Variants in TDRD3 observed in about 807,000 individuals in gnomAD.
TDRD3 encodes the protein tudor domain-containing protein 3.
TDRD3 carries 45 observed loss-of-function variants against 86.7 expected under a neutral mutation model. The observed-to-expected ratio is 0.52, with a 90% CI of 0.41 to 0.67. The LOEUF (loss-of-function observed/expected upper bound fraction) is 0.67, where lower values mean the gene tolerates loss of function less well. Among genes scored for constraint, TDRD3 ranks in the 30% least tolerant of loss-of-function variants. The pLI is 0.00. For synonymous variants in TDRD3, 298 were observed against 301.7 expected (o/e 0.99, Z 0.13); for missense variants, 814 against 889.0 (o/e 0.92, Z 1.07).
intron 4 of TDRD3, 155 bp downstream of exon 4, chr13:60,460,695 A>G (rs1955783374): frequency 2.9e-6 from 2 of 693,858 alleles, no homozygotes; most frequent in Non-Finnish European, 4.3e-6. Context: ...TTTCTGCTTC[A>G]CCTGTATAAA....
upstream of TDRD3, chr13:60,397,107 T>G: frequency 2.8e-6 from 1 of 360,868 alleles, no homozygotes; most frequent in East Asian, 4.0e-5. Context: ...CCAGCCGGTG[T>G]TTGGTGGATC....
intron 1 of TDRD3, among the ~76,000 whole-genome samples, chr13:60,403,542 A>G (rs1045306166): frequency 6.6e-6 from 1 of 152,236 alleles, no homozygotes; most frequent in Non-Finnish European, 1.5e-5. Context: ...AAAATTTGAG[A>G]AACACTTGTG....
intron 1 of TDRD3, among the ~76,000 whole-genome samples, chr13:60,430,433 AAG>A (rs994154000): frequency 2.0e-5 from 3 of 152,172 alleles, no homozygotes; most frequent in African/African-American, 7.2e-5. Context: ...TGCTGAGAAA[AAG>A]AGGACAGAAA....
chr13:60,464,181 A>G (rs558395381), intron 4 of TDRD3, among the ~76,000 whole-genome samples: 24 of 152,304 alleles, frequency 1.6e-4, no homozygotes, highest in Non-Finnish European at 2.6e-4. Flanking sequence ...TATGAGCCAA[A>G]TAAACCTTTC....
intron 5 of TDRD3, 39 bp downstream of exon 5, chr13:60,467,418 A>G (rs1783663345): frequency 4.4e-6 from 7 of 1,600,028 alleles, no homozygotes; most frequent in South Asian, 1.1e-5. Flanking sequence ...GAAACATTAC[A>G]CTCTTTTTTA....
At chr13:60,566,162 A>C (rs1025592016) in intron 12 of TDRD3, among the ~76,000 whole-genome samples, 5 of 152,202 alleles carry the variant, frequency 3.3e-5, no homozygotes, top group African/African-American at 4.8e-5. Context: ...GCAGTGTTAG[A>C]ATGCAAAACC....
intron 4 of TDRD3, among the ~76,000 whole-genome samples, chr13:60,462,140 G>A (rs2138059595): frequency 6.6e-6 from 1 of 152,326 alleles, no homozygotes; most frequent in East Asian, 1.9e-4. Flanking sequence ...TTTTTGAAGA[G>A]TAGGATTCGT....
intron 2 of TDRD3, among the ~76,000 whole-genome samples, chr13:60,440,642 C>CT (rs1334257846): frequency 2.0e-5 from 3 of 152,148 alleles, no homozygotes; most frequent in African/African-American, 7.2e-5. Flanking sequence ...GATCATGCCA[C>CT]TGCACTCCAG....
chr13:60,562,878 G>A (rs1263445576), intron 12 of TDRD3, among the ~76,000 whole-genome samples: 1 of 151,666 alleles, frequency 6.6e-6, no homozygotes, highest in Non-Finnish European at 1.5e-5. Context: ...ACCAAATAAT[G>A]TATCACTGGC....
intron 1 of TDRD3, among the ~76,000 whole-genome samples, chr13:60,420,786 C>CA (rs1234995526): frequency 6.6e-6 from 1 of 151,382 alleles, no homozygotes; most frequent in Non-Finnish European, 1.5e-5. Context: ...ACTAAAAATA[C>CA]AAAAAAAATT....
At chr13:60,422,270 A>C (rs1234916999) in intron 1 of TDRD3, among the ~76,000 whole-genome samples, 2 of 152,212 alleles carry the variant, frequency 1.3e-5, no homozygotes, top group African/African-American at 4.8e-5. Context: ...CAGGTGGAGG[A>C]TTCATAATAT....
chr13:60,497,320 G>C (rs1056368474), intron 8 of TDRD3, among the ~76,000 whole-genome samples: 1 of 152,196 alleles, frequency 6.6e-6, no homozygotes, highest in African/African-American at 2.4e-5. Flanking sequence ...TTGCCAGCTC[G>C]AATGCCTGGG....
intron 11 of TDRD3, among the ~76,000 whole-genome samples, chr13:60,531,793 A>G (rs141892423): frequency 6.6e-6 from 1 of 152,184 alleles, no homozygotes; most frequent in African/African-American, 2.4e-5. Context: ...ACTTATCTGC[A>G]GTGTCTAATA....
At chr13:60,397,212 C>G (rs948465106), upstream of TDRD3, 9 of 433,474 alleles carry the variant, frequency 2.1e-5, no homozygotes, top group Non-Finnish European at 3.2e-5. Context: ...CGCGGAAGCG[C>G]CGGCCGCACT....
chr13:60,459,873 G>A (rs1594959135), intron 3 of TDRD3, among the ~76,000 whole-genome samples: 1 of 151,888 alleles, frequency 6.6e-6, no homozygotes, highest in Non-Finnish European at 1.5e-5. Flanking sequence ...CACCTGCCTC[G>A]GCCTCCCAAA....
intron 1 of TDRD3, among the ~76,000 whole-genome samples, chr13:60,398,797 A>G (rs529375582): frequency 6.6e-6 from 1 of 152,236 alleles, no homozygotes; most frequent in Non-Finnish European, 1.5e-5. Flanking sequence ...GCATGGGCGT[A>G]AAAGATTGTA....
chr13:60,421,340 A>G (rs1954653047), intron 1 of TDRD3, among the ~76,000 whole-genome samples: 2 of 152,152 alleles, frequency 1.3e-5, no homozygotes, highest in African/African-American at 4.8e-5. Context: ...TTATAAAACA[A>G]TCGGATCTCA....
chr13:60,563,559 T>C (rs562231424), intron 12 of TDRD3, among the ~76,000 whole-genome samples: 1 of 152,308 alleles, frequency 6.6e-6, no homozygotes, highest in East Asian at 1.9e-4. Context: ...GTCCTGTGCA[T>C]TGTAGGATAT....
intron 5 of TDRD3, among the ~76,000 whole-genome samples, chr13:60,471,940 T>G (rs1175433093): frequency 6.6e-6 from 1 of 152,184 alleles, no homozygotes; most frequent in African/African-American, 2.4e-5. Flanking sequence ...CATCCTTCTC[T>G]TGTTCTTGAT....
Sources: gnomAD v4.1 joint callset for allele counts (sites outside exome capture counted in the v4.1 genomes callset) on GRCh38, gnomAD v4.1.1 for gene constraint, MANE v1.5 for transcripts, NCBI Gene and HGNC (gene_info 2026-07-23, HGNC 2026-07-21) for gene names.